Variants in SLC19A2 observed in about 807,000 individuals in gnomAD.
The protein encoded by SLC19A2 is solute carrier family 19 member 2, also known as thiamine transporter 1.
SLC19A2 carries 27 observed loss-of-function variants against 44.7 expected under a neutral mutation model. The observed-to-expected ratio is 0.60, with a 90% CI of 0.45 to 0.83. SLC19A2 has a LOEUF of 0.83. Ranked by LOEUF, SLC19A2 falls within the 40% of genes least tolerant of loss-of-function variation. The pLI is 0.00. For missense variants in SLC19A2, 566 were observed against 613.7 expected (o/e 0.92, Z 0.82); for synonymous variants, 239 against 243.6 (o/e 0.98, Z 0.18).
intron 1 of SLC19A2, 33 bp downstream of exon 1, chr1:169,485,530 G>GC: frequency 6.4e-7 from 1 of 1,559,306 alleles, no homozygotes; most frequent in Non-Finnish European, 8.7e-7. Flanking sequence ...CCGGTCGCCC[G>GC]CCCTTCCCGC....
At chr1:169,471,299 T>G (rs1377540961) in intron 2 of SLC19A2, among the ~76,000 whole-genome samples, 2 of 152,056 alleles carry the variant, frequency 1.3e-5, no homozygotes. Flanking sequence ...GGTGATTTTT[T>G]ATTTTTTATA....
chr1:169,477,016 G>T, intron 2 of SLC19A2, 139 bp downstream of exon 2: 1 of 962,632 alleles, frequency 1.0e-6, no homozygotes, highest in Non-Finnish European at 1.7e-6. Context: ...ATGAATGAAT[G>T]AATAAAGCAA....
rs1242339764 is a variant in SLC19A2 at position 169,477,462 on chromosome 1, A to G, written c.500T>C (p.Val167Ala). The G allele has an allele frequency of 6.2e-7, 1 of 1,614,074 alleles. No individual in the cohort carries two copies. The highest frequency in any genetic ancestry group is 1.3e-5 in the African/African-American group (1 of 74,914). The change falls in exon 2 of 6, where the codon GTG (valine) becomes GCG (alanine). Residue 167 changes from valine (V) to alanine (A), a missense_variant. Val to Ala is a moderately conservative substitution (Grantham distance 64). Coordinates refer to ENST00000236137, the MANE Select transcript of SLC19A2 (RefSeq NM_006996.3). The stretch of plus-strand genomic sequence containing the variant: ...TAGGACAGAGCCCACTGTAAAGCCC[A>G]CCAAAGTGGCACTTCGACAGTAACT... ...VTSYCRSATL[V>A]GFTVGSVLGQ...
chr1:169,483,398 C>CAA (rs140561992), intron 1 of SLC19A2, among the ~76,000 whole-genome samples: 1 of 151,954 alleles, frequency 6.6e-6, no homozygotes, highest in African/African-American at 2.4e-5. Flanking sequence ...ATTAGTTATA[C>CAA]AAAAAAACGT....
intron 2 of SLC19A2, among the ~76,000 whole-genome samples, chr1:169,473,327 C>G (rs561826058): frequency 6.6e-6 from 1 of 152,018 alleles, no homozygotes; most frequent in South Asian, 2.1e-4. Flanking sequence ...CTCTGCCTCC[C>G]GGGTTAAAGC....
chr1:169,481,742 A>C (rs568903178), intron 1 of SLC19A2, among the ~76,000 whole-genome samples: 5 of 152,224 alleles, frequency 3.3e-5, no homozygotes, highest in African/African-American at 1.2e-4. Context: ...AACTCTTTGG[A>C]TCAGTGCTTG....
rs1237505861 is a variant in SLC19A2, at chr1:169,477,384, A to G, written c.578T>C (p.Ile193Thr). ...AGCCACTGAAACACAGGTAAGAGAG[A>G]TGACATTCAGGCTGAACAGCGACCA... ...AGWSLFSLNVISLTCVSVAFA... is the reference protein window; with the variant it reads ...AGWSLFSLNVTSLTCVSVAFA... Residue 193 changes from isoleucine (I) to threonine (T), a missense_variant, in exon 2 of 6, where the codon ATC (isoleucine) becomes ACC (threonine). Physicochemically the swap from Ile to Thr is moderately conservative, Grantham distance 89. Coordinates refer to ENST00000236137, the MANE Select transcript of SLC19A2 (RefSeq NM_006996.3). 1.2e-6 allele frequency: 2 copies of G among 1,614,036 alleles called. No individual in the cohort carries two copies. Among genetic ancestry groups the G allele is most frequent in the Non-Finnish European group, 1.7e-6 (2 of 1,180,036 alleles).
intron 5 of SLC19A2, 46 bp downstream of exon 5, chr1:169,468,065 G>C (rs761206526): frequency 2.5e-6 from 4 of 1,604,276 alleles, no homozygotes; most frequent in Non-Finnish European, 3.4e-6. Flanking sequence ...CTGTCACCCT[G>C]ATCAAGTCAC....
In SLC19A2 at chr1:169,468,732, T is replaced by C. The variant is rs1357816746; in HGVS notation, c.1135A>G (p.Ile379Val). The C allele has an allele frequency of 6.2e-7, 1 of 1,613,776 alleles. No homozygotes were observed. Among genetic ancestry groups the C allele is most frequent in the Non-Finnish European group, 8.5e-7 (1 of 1,179,760 alleles). Residue 379 changes from isoleucine (I) to valine (V), a missense_variant, in exon 4 of 6, where the codon ATC (isoleucine) becomes GTC (valine). Coordinates refer to ENST00000236137, the MANE Select transcript of SLC19A2 (RefSeq NM_006996.3). ...FSLLIAAAVY[I>V]MDTVGNIWVC... ...CAAATGTTACCCACAGTGTCCATGA[T>C]ATACACTGCAGCAGCAATCAGGAGA...
At chr1:169,484,317 G>A (rs78270478) in intron 1 of SLC19A2, among the ~76,000 whole-genome samples, 6,724 of 152,308 alleles carry the variant, frequency 0.044, 211 homozygotes, top group East Asian at 0.12. Context: ...GATTCCGGTA[G>A]TGCCATCTCT....
intron 2 of SLC19A2, among the ~76,000 whole-genome samples, chr1:169,471,462 TCCACACACAC>T (rs1658176420): frequency 1.8e-5 from 2 of 109,592 alleles, no homozygotes; most frequent in Middle Eastern, 5.5e-3. Context: ...AGATCCCGTC[TCCACACACAC>T]ACACACACAC....
Position 169,477,326 on chromosome 1 carries a change from C to T in SLC19A2, c.636G>A (p.Gln212=), listed in dbSNP as rs2101781079. The T allele has an allele frequency of 4.3e-6, 7 of 1,614,176 alleles. No individual in the cohort carries two copies. The highest frequency in any genetic ancestry group is 5.1e-6 in the Non-Finnish European group (6 of 1,180,030). Residue 212 remains glutamine (Q), a synonymous_variant, in exon 2 of 6, where the codon CAG becomes CAA. Transcript: ENST00000236137. The part of the protein sequence containing the change: ...FAVAWFLPMP[Q]KSLFFHHIPS... ...GAATGTGGTGAAAGAAGAGGCTCTT[C>T]TGTGGCATAGGTAAAAACCAGGCCA...
intron 1 of SLC19A2, among the ~76,000 whole-genome samples, chr1:169,481,388 G>T (rs1658441453): frequency 6.6e-6 from 1 of 152,224 alleles, no homozygotes; most frequent in East Asian, 1.9e-4. Context: ...TCAGAAAACT[G>T]CTATTAATCA....
At position 169,485,794 on chromosome 1, in the gene SLC19A2, C is replaced by G; in HGVS notation, c.-28G>C. ...GGGGCGCGAGGGGAGGGGACCCGGC[C>G]CGGCCCCTTCCTTCTCCTCCTCCGC... On this transcript the variant is annotated 5_prime_UTR_variant, in exon 1 of 6. Transcript: ENST00000236137. 1 of 1,510,778 alleles carries G rather than the reference C, an allele frequency of 6.6e-7. No individual in the cohort carries two copies. The highest frequency in any genetic ancestry group is 8.8e-7 in the Non-Finnish European group (1 of 1,136,758). The allele number at this position is 1,510,778 out of a possible 1,614,324, so 93.6% of individuals were successfully genotyped here. A position where few individuals can be genotyped will look rare whatever the true frequency, so the allele number is the denominator to read the frequency against.
Position 169,465,743 on chromosome 1 carries a change from A to G in SLC19A2, c.*106T>C. 7.7e-7 allele frequency: 1 copy of G among 1,302,022 alleles called. No homozygotes were observed. Among genetic ancestry groups the G allele is most frequent in the Non-Finnish European group, 1.1e-6 (1 of 909,430 alleles). 80.7% of individuals were successfully genotyped at this position (1,302,022 alleles called of 1,614,324 possible). A position where few individuals can be genotyped will look rare whatever the true frequency, so the allele number is the denominator to read the frequency against. Reference sequence around the variant, plus strand: ...TAGTCAAGTGGCTGCTGTGAAGTCAAGAAATGCACATTCATAAATATATGT... The same window carrying G: ...TAGTCAAGTGGCTGCTGTGAAGTCAGGAAATGCACATTCATAAATATATGT... On this transcript the variant is annotated 3_prime_UTR_variant, in exon 6 of 6. Transcript: ENST00000236137.
At chr1:169,468,598 T>C in intron 4 of SLC19A2, 46 bp downstream of exon 4, 1 of 1,541,068 alleles carries the variant, frequency 6.5e-7, no homozygotes, top group African/African-American at 1.4e-5. Flanking sequence ...AAAAAATTTA[T>C]CCTGTTACAA....
At chr1:169,485,162 C>T (rs1658525152) in intron 1 of SLC19A2, among the ~76,000 whole-genome samples, 1 of 152,238 alleles carries the variant, frequency 6.6e-6, no homozygotes, top group African/African-American at 2.4e-5. Context: ...TGGTTGCCTA[C>T]TTTCAGTCAA....
chr1:169,481,152 A>G (rs1441062338), intron 1 of SLC19A2, among the ~76,000 whole-genome samples: 2 of 152,160 alleles, frequency 1.3e-5, no homozygotes, highest in East Asian at 1.9e-4. Context: ...ACAAACCTCT[A>G]CTGCTGTGTT....
intron 5 of SLC19A2, among the ~76,000 whole-genome samples, 179 bp downstream of exon 5, chr1:169,467,932 C>A (rs931109691): frequency 1.3e-5 from 2 of 152,138 alleles, no homozygotes; most frequent in Non-Finnish European, 2.9e-5. Flanking sequence ...ATCCCAACAC[C>A]CTCCCAGGAG....
Sources: gnomAD v4.1 joint callset for allele counts (sites outside exome capture counted in the v4.1 genomes callset) on GRCh38, gnomAD v4.1.1 for gene constraint, MANE v1.5 for transcripts, NCBI Gene and HGNC (gene_info 2026-07-23, HGNC 2026-07-21) for gene names.